XCR1: variants seen among roughly 807,000 people sequenced by gnomAD.
The protein encoded by XCR1 is X-C motif chemokine receptor 1, also known as chemokine XC receptor 1.
For missense variants in XCR1, 356 were observed against 424.2 expected (o/e 0.84, Z 1.41); for synonymous variants, 187 against 188.5 (o/e 0.99, Z 0.06).
At chr3:46,024,171 G>T in intron 1 of XCR1, 2 of 491,870 alleles carry the variant, frequency 4.1e-6, no homozygotes, top group Non-Finnish European at 7.4e-6. Flanking sequence ...GAAGGCCACA[G>T]AAGAGGGGAG....
intron 1 of XCR1, among the ~76,000 whole-genome samples, chr3:46,079,808 G>A (rs1306465874): frequency 2.0e-5 from 3 of 152,142 alleles, no homozygotes; most frequent in Non-Finnish European, 4.4e-5. Flanking sequence ...AGACTTATAA[G>A]CCCAGATATT....
chr3:46,022,799 C>T (rs886400585), intron 1 of XCR1, among the ~76,000 whole-genome samples: 2 of 152,200 alleles, frequency 1.3e-5, no homozygotes, highest in African/African-American at 2.4e-5. Context: ...GGACACAATC[C>T]AAAATTACTC....
chr3:46,040,173 T>G (rs558807016), intron 5 of XCR1, among the ~76,000 whole-genome samples: 1 of 152,176 alleles, frequency 6.6e-6, no homozygotes, highest in Non-Finnish European at 1.5e-5. Context: ...ATTGACCTCA[T>G]GCCTTTTTTA....
intron 4 of XCR1, among the ~76,000 whole-genome samples, chr3:46,054,525 GACAATGGAC>G (rs773462824): frequency 4.0e-5 from 6 of 149,018 alleles, no homozygotes; most frequent in Non-Finnish European, 7.4e-5. Context: ...TGGAATGGTA[GACAATGGAC>G]ACTCAAAAGG....
intron 1 of XCR1, among the ~76,000 whole-genome samples, chr3:46,078,772 ACTTTGAC>A (rs1480733477): frequency 1.3e-5 from 2 of 151,964 alleles, no homozygotes; most frequent in African/African-American, 4.8e-5. Flanking sequence ...GCAGTTGCTC[ACTTTGAC>A]CAATTGGAGT....
chr3:46,026,586 C>CTT (rs113662841), intron 1 of XCR1, among the ~76,000 whole-genome samples: 2 of 142,894 alleles, frequency 1.4e-5, no homozygotes, highest in Non-Finnish European at 3.1e-5. Context: ...TCTTCTTCTT[C>CTT]TTTTTTTTTT....
At chr3:46,023,652 C>T (rs1708217241) in intron 1 of XCR1, 2 of 1,374,426 alleles carry the variant, frequency 1.5e-6, no homozygotes, top group East Asian at 2.3e-5. Flanking sequence ...CTCAGAAGTA[C>T]AGCCCTTCTT....
At chr3:46,063,463 G>A (rs992332947) in intron 4 of XCR1, among the ~76,000 whole-genome samples, 21 of 151,988 alleles carry the variant, frequency 1.4e-4, no homozygotes, top group African/African-American at 4.1e-4. Context: ...TTTTTCCCCC[G>A]ACCCCTGAGT....
chr3:46,068,778 G>T (rs1698118009), intron 3 of XCR1, among the ~76,000 whole-genome samples: 1 of 92,956 alleles, frequency 1.1e-5, no homozygotes, highest in South Asian at 2.9e-4. Flanking sequence ...TCAACATCAT[G>T]GACGTGTGTG....
chr3:46,083,431 G>T (rs559876155), intron 1 of XCR1, among the ~76,000 whole-genome samples: 1 of 152,328 alleles, frequency 6.6e-6, no homozygotes, highest in Admixed American at 6.5e-5. Context: ...CTCAGCACTG[G>T]ACTAGTTCCC....
chr3:46,051,557 T>C (rs1360991389), intron 5 of XCR1, among the ~76,000 whole-genome samples: 2 of 152,218 alleles, frequency 1.3e-5, no homozygotes, highest in African/African-American at 2.4e-5. Context: ...ACTACACAGG[T>C]GGGTCTATTA....
chr3:46,065,504 C>T (rs1007601495), intron 4 of XCR1, among the ~76,000 whole-genome samples: 1 of 152,228 alleles, frequency 6.6e-6, no homozygotes, highest in African/African-American at 2.4e-5. Flanking sequence ...TGCCAAATAT[C>T]ATATGATACT....
At chr3:46,049,284 A>T (rs1195746263) in intron 5 of XCR1, among the ~76,000 whole-genome samples, 1 of 151,948 alleles carries the variant, frequency 6.6e-6, no homozygotes, top group East Asian at 1.9e-4. Flanking sequence ...TATAGCCCTA[A>T]TATGCCTGTG....
chr3:46,023,588 T>C lies in XCR1; in HGVS notation c.-31-1610A>G, dbSNP rs1475803063. On this transcript the variant is annotated intron_variant, in intron 1 of 1. Transcript: ENST00000309285. ...ACAGACAAGGATGTAGCTGCCCATC[T>C]TCAGGCATCTCACAAACTCTCTGCC... The C allele has an allele frequency of 2.9e-6, 4 of 1,403,190 alleles. No homozygotes were observed. In the African/African-American group the frequency reaches 5.7e-5, roughly 20 times the overall value. The allele number at this position is 1,403,190 out of a possible 1,614,324, so 86.9% of individuals were successfully genotyped here.
At position 46,021,005 on chromosome 3, in the gene XCR1, G is replaced by A. The variant is rs1708129795; in HGVS notation, c.943C>T (p.Pro315Ser). The A allele has an allele frequency of 6.2e-7, 1 of 1,613,214 alleles. No homozygotes were observed. Among genetic ancestry groups the A allele is most frequent in the Non-Finnish European group, 8.5e-7 (1 of 1,179,612 alleles). Residue 315 changes from proline to serine, a missense_variant, in exon 2 of 2, where the codon CCA becomes TCA. Coordinates refer to ENST00000309285, the MANE Select transcript of XCR1 (RefSeq NM_001024644.2). The surrounding 1 kb of genome is among the most constrained non-coding windows in gnomAD (Gnocchi z 4.7). Reference protein sequence around the residue: ...FWFCRLQAPSPASIPHSPGAF... With the variant: ...FWFCRLQAPSSASIPHSPGAF... ...CCAGGGGAGTGGGGGATCGAGGCTG[G>A]GCTGGGTGCCTGCAGCCGGCAGAAC...
chr3:46,026,874 G>A (rs1198253578), intron 1 of XCR1, among the ~76,000 whole-genome samples: 3 of 149,902 alleles, frequency 2.0e-5, no homozygotes, highest in South Asian at 4.3e-4. Flanking sequence ...GAGCCACCAC[G>A]CCCAGCCAAT....
intron 1 of XCR1, among the ~76,000 whole-genome samples, chr3:46,026,826 C>T (rs1296594713): frequency 2.0e-5 from 3 of 152,024 alleles, no homozygotes; most frequent in Admixed American, 2.0e-4. Context: ...TCATGATCCA[C>T]CTGCCTTGGC....
rs1358754455 is a variant in XCR1 at position 46,021,323 on chromosome 3, G to T, written c.625C>A (p.Leu209Ile). Reference sequence around the variant, plus strand: ...GAGCGTGAGCGGAACAGGGTCCTGAGGATCTCCACGTAGCAGAACAGGATA... The same window carrying T: ...GAGCGTGAGCGGAACAGGGTCCTGATGATCTCCACGTAGCAGAACAGGATA... Reference protein sequence around the residue: ...GIILFCYVEILRTLFRSRSKR... With the variant: ...GIILFCYVEIIRTLFRSRSKR... The change falls in exon 2 of 2, where the codon CTC becomes ATC. Residue 209 changes from leucine to isoleucine, a missense_variant. Physicochemically the swap from Leu to Ile is conservative, Grantham distance 5 (BLOSUM62 2). Transcript: ENST00000309285. The surrounding 1 kb of genome is among the most constrained non-coding windows in gnomAD (Gnocchi z 4.7). 6.2e-7 allele frequency: 1 copy of T among 1,614,184 alleles called. No homozygotes were observed. The highest frequency in any genetic ancestry group is 8.5e-7 in the Non-Finnish European group (1 of 1,180,024).
intron 4 of XCR1, among the ~76,000 whole-genome samples, chr3:46,066,578 C>T (rs1381547476): frequency 1.3e-5 from 2 of 152,162 alleles, no homozygotes; most frequent in African/African-American, 4.8e-5. Context: ...TTGGTGTGGA[C>T]TACACTAGGT....
Sources: allele counts gnomAD v4.1 joint callset (sites outside exome capture counted in the v4.1 genomes callset), GRCh38; gene constraint gnomAD v4.1.1; non-coding constraint Gnocchi (gnomAD v3.1); transcripts MANE v1.5; gene names NCBI Gene and HGNC (gene_info 2026-07-23, HGNC 2026-07-21).